Variants in ADGRE2 observed in about 807,000 individuals in gnomAD.
ADGRE2 encodes the protein adhesion G protein-coupled receptor E2, also known as CD97 antigen.
A neutral mutation model predicts 100.8 loss-of-function variants in ADGRE2; 83 were observed. The observed-to-expected ratio is 0.82, with a 90% CI of 0.69 to 0.99. The LOEUF (loss-of-function observed/expected upper bound fraction) is 0.99. Among genes scored for constraint, ADGRE2 ranks in the 50% least tolerant of loss-of-function variants. The pLI is 0.00. For synonymous variants in ADGRE2, 355 were observed against 413.0 expected (o/e 0.86, Z 1.70); for missense variants, 814 against 1,035.7 (o/e 0.79, Z 2.94).
chr19:14,776,043 C>T (rs944563495), intron 2 of ADGRE2, among the ~76,000 whole-genome samples: 24 of 151,976 alleles, frequency 1.6e-4, no homozygotes, highest in Non-Finnish European at 2.2e-4. Context: ...ACGCTGTGGC[C>T]GCCTGTTGGG....
In ADGRE2 at chr19:14,764,584, C is replaced by T; in HGVS notation, c.933G>A (p.Leu311=). 6.2e-7 allele frequency: 1 copy of T among 1,612,448 alleles called. No individual in the cohort carries two copies. Among genetic ancestry groups the T allele is most frequent in the Non-Finnish European group, 8.5e-7 (1 of 1,179,818 alleles). Residue 311 remains leucine (L), a synonymous_variant, in exon 11 of 21, where the codon CTG becomes CTA. Transcript: ENST00000315576. ...TCTCCAGGTCCCCAGGGGCCTCCAGCAGCTCATCCAGCGCCTGTAAGATGC... is the reference window on the plus strand; with the variant it reads ...TCTCCAGGTCCCCAGGGGCCTCCAGTAGCTCATCCAGCGCCTGTAAGATGC... ...IQSILQALDE[L]LEAPGDLETL... is the part of the protein sequence containing the mutation.
chr19:14,733,744 C>T lies in ADGRE2; in HGVS notation c.*2492G>A, dbSNP rs1488739413. 1 of 152,202 alleles carries T rather than the reference C, an allele frequency of 6.6e-6. No homozygotes were observed. Among genetic ancestry groups the T allele is most frequent in the Non-Finnish European group, 1.5e-5 (1 of 68,058 alleles). The allele number at this position is 152,202 out of a possible 1,614,324, so 9.4% of individuals were successfully genotyped here. ...AAATAAACCTGTCTTAACCATCAAG[C>T]CACTTTTTGTGTTTCTTTCCTCTTT... is the stretch of plus-strand genomic sequence containing the variant. On this transcript the variant is annotated 3_prime_UTR_variant, in exon 21 of 21. Coordinates refer to ENST00000315576, the MANE Select transcript of ADGRE2 (RefSeq NM_013447.4).
Position 14,771,875 on chromosome 19 carries a change from G to T in ADGRE2, c.355+467C>A, listed in dbSNP as rs60523173. The T allele has an allele frequency of 1.0e-2, 1,574 of 157,692 alleles. 26 individuals are homozygous for T. Among genetic ancestry groups the T allele is most frequent in the African/African-American group, 0.036 (1,493 of 41,644 alleles). The allele number at this position is 157,692 out of a possible 1,614,324, so 9.8% of individuals were successfully genotyped here. ...AGGATAGTCTCGATCTCCTGACCCC[G>T]TGATCCATCCGCCTCGGCCTCCCAA... On this transcript the variant is annotated intron_variant, in intron 5 of 20. Coordinates refer to ENST00000315576, the MANE Select transcript of ADGRE2 (RefSeq NM_013447.4).
chr19:14,761,458 T>C (rs1461343634), intron 11 of ADGRE2, among the ~76,000 whole-genome samples: 3 of 151,744 alleles, frequency 2.0e-5, no homozygotes, highest in African/African-American at 7.3e-5. Flanking sequence ...ACGACTACCT[T>C]GTGATATAGA....
chr19:14,770,669 C>CTTTTCTTTTTCTT (rs1380079488), intron 5 of ADGRE2, among the ~76,000 whole-genome samples: 1 of 85,012 alleles, frequency 1.2e-5, no homozygotes, highest in African/African-American at 4.6e-5. Flanking sequence ...TCTTTCTTTT[C>CTTTTCTTTTTCTT]TTTTTTTTTT....
chr19:14,730,918 T>C (rs1282045595), downstream of ADGRE2, among the ~76,000 whole-genome samples: 1 of 152,006 alleles, frequency 6.6e-6, no homozygotes, highest in African/African-American at 2.4e-5. Context: ...TATTTGGTTT[T>C]CTAAGTTAAT....
In ADGRE2 at chr19:14,743,581, AG is replaced by A. The variant is rs1400344386; in HGVS notation, c.2352+34del. On this transcript the variant is annotated intron_variant, in intron 19 of 20. Coordinates refer to ENST00000315576, the MANE Select transcript of ADGRE2 (RefSeq NM_013447.4). ...TCAGCTCACAGAGAGCAGTGAGGAC[AG>A]GAAGAGTCCTGGGTGGGAGCTGGGC... The A allele has an allele frequency of 1.9e-6, 3 of 1,613,964 alleles. No individual in the cohort carries two copies. In the African/African-American group the frequency reaches 4.0e-5, roughly 22 times the overall value.
intron 11 of ADGRE2, among the ~76,000 whole-genome samples, chr19:14,761,968 CT>C (rs2043742742): frequency 6.6e-6 from 1 of 152,122 alleles, no homozygotes; most frequent in Non-Finnish European, 1.5e-5. Context: ...CTTTCTCTTT[CT>C]TTTGCCTATT....
intron 4 of ADGRE2, 101 bp from the exon 5 acceptor site, chr19:14,772,598 A>G: frequency 1.4e-6 from 2 of 1,424,922 alleles, no homozygotes; most frequent in Non-Finnish European, 1.9e-6. Flanking sequence ...GCTGCTTAGT[A>G]TCTTTTGGAA....
chr19:14,774,158 C>G (rs35975843), intron 3 of ADGRE2, 98 bp downstream of exon 3: 138,919 of 1,419,522 alleles, frequency 0.098, 9,330 homozygotes, highest in East Asian at 0.14. Context: ...CGTGCACGAG[C>G]CCTCTCTTTC....
intron 14 of ADGRE2, among the ~76,000 whole-genome samples, chr19:14,752,782 A>ATTT (rs5827257): frequency 1.9e-4 from 29 of 150,032 alleles, no homozygotes; most frequent in African/African-American, 4.2e-4. Context: ...TGCCCTGCTA[A>ATTT]TTTTTTTTTT....
At chr19:14,727,185 G>A in the ADGRE2 span, among the ~76,000 whole-genome samples, 7 of 151,990 alleles carry the variant, frequency 4.6e-5, no homozygotes, top group East Asian at 3.9e-4. Flanking sequence ...CCGCCACCAC[G>A]CCTGGCTAAT....
the ADGRE2 span, among the ~76,000 whole-genome samples, chr19:14,727,316 C>CTG: frequency 6.6e-5 from 10 of 152,162 alleles, no homozygotes; most frequent in South Asian, 2.1e-4. Flanking sequence ...GTGTGAGCCA[C>CTG]CAAGCCCGGC....
chr19:14,755,817 G>T lies in ADGRE2; in HGVS notation c.1253C>A (p.Pro418His). Reference sequence around the variant, plus strand: ...CTGCTTCTCAGGTTCCAGGACCAGAGGGGCCTCAGCCAGCAACTTGCCCAT... The same window carrying T: ...CTGCTTCTCAGGTTCCAGGACCAGATGGGCCTCAGCCAGCAACTTGCCCAT... ...PGMGKLLAEA[P>H]LVLEPEKQML... Residue 418 changes from proline (P) to histidine (H), a missense_variant, in exon 13 of 21, where the codon CCT becomes CAT. Pro to His is a moderately conservative substitution (Grantham distance 77). Transcript: ENST00000315576. 1 of 1,614,200 alleles carries T rather than the reference G, an allele frequency of 6.2e-7. No individual in the cohort carries two copies. The highest frequency in any genetic ancestry group is 2.2e-5 in the East Asian group (1 of 44,888).
intron 5 of ADGRE2, among the ~76,000 whole-genome samples, chr19:14,770,250 A>C (rs796112994): frequency 6.6e-5 from 10 of 152,006 alleles, no homozygotes; most frequent in African/African-American, 2.4e-4. Context: ...TGCTTGTTGG[A>C]AAAAGCCTGG....
downstream of ADGRE2, among the ~76,000 whole-genome samples, chr19:14,729,211 A>C (rs73926610): frequency 1.8e-3 from 278 of 152,288 alleles, 3 homozygotes; most frequent in African/African-American, 6.5e-3. Flanking sequence ...TGCATCCTAC[A>C]GTCAGGGTTT....
intron 20 of ADGRE2, among the ~76,000 whole-genome samples, chr19:14,739,393 T>A (rs901289347): frequency 3.3e-5 from 5 of 152,226 alleles, no homozygotes; most frequent in Non-Finnish European, 5.9e-5. Flanking sequence ...AAATATCTGA[T>A]CACACACCTT....
intron 2 of ADGRE2, among the ~76,000 whole-genome samples, chr19:14,775,824 A>T: frequency 6.8e-6 from 1 of 146,530 alleles, no homozygotes; most frequent in East Asian, 2.1e-4. Context: ...GTGCCACTGC[A>T]CTCCAGCCTG....
In ADGRE2 at chr19:14,765,154, T is replaced by G. The variant is rs189800276; in HGVS notation, c.906+166A>C. On this transcript the variant is annotated intron_variant, in intron 10 of 20. Coordinates refer to ENST00000315576, the MANE Select transcript of ADGRE2 (RefSeq NM_013447.4). ...GGAAAGCAAGAGGAAAGATATTAAG[T>G]GCACTTGGGTGTCCATTAGCTTCCA... Among the ~76,000 whole-genome samples the G allele has an allele frequency of 1.8e-3, 277 of 152,304 alleles. 1 individual carries two copies. The highest frequency in any genetic ancestry group is 6.4e-3 in the African/African-American group (264 of 41,568).
Sources: allele counts gnomAD v4.1 joint callset (sites outside exome capture counted in the v4.1 genomes callset), GRCh38; gene constraint gnomAD v4.1.1; transcripts MANE v1.5; gene names NCBI Gene and HGNC (gene_info 2026-07-23, HGNC 2026-07-21).